Variants in CHRM2 observed in about 807,000 individuals in gnomAD.
The protein encoded by CHRM2 is muscarinic acetylcholine receptor M2.
Under a neutral mutation model 25.0 loss-of-function variants are expected in CHRM2, and 8 were observed. The ratio of observed to expected loss-of-function variants is 0.32; its 90% confidence interval spans 0.19 to 0.58. The LOEUF is 0.58. CHRM2 is among the 20% of genes least tolerant of loss of function. The pLI is 0.88. For missense variants in CHRM2, 440 were observed against 567.1 expected (o/e 0.78, Z 2.28); for synonymous variants, 202 against 205.7 (o/e 0.98, Z 0.15).
chr7:136,927,778 A>T (rs533733165), intron 2 of CHRM2, among the ~76,000 whole-genome samples: 7 of 152,192 alleles, frequency 4.6e-5, no homozygotes, highest in Non-Finnish European at 7.3e-5. Flanking sequence ...TATTTTCATC[A>T]CCAGGAAAAA....
chr7:136,972,288 G>A (rs1801829451), intron 2 of CHRM2, among the ~76,000 whole-genome samples: 1 of 152,054 alleles, frequency 6.6e-6, no homozygotes, highest in Non-Finnish European at 1.5e-5. Flanking sequence ...TCTACCTTGA[G>A]GGAAATTTCT....
At chr7:136,959,826 G>A (rs996254769) in intron 2 of CHRM2, among the ~76,000 whole-genome samples, 5 of 152,108 alleles carry the variant, frequency 3.3e-5, no homozygotes, top group Non-Finnish European at 5.9e-5. Context: ...CAGGAGAATC[G>A]CTTGAACCTG....
chr7:136,884,434 A>T (rs1377243490), intron 2 of CHRM2, among the ~76,000 whole-genome samples: 1 of 152,002 alleles, frequency 6.6e-6, no homozygotes, highest in East Asian at 1.9e-4. Context: ...TAAAGGCTTG[A>T]TAACCATAAA....
At chr7:136,932,423 G>A (rs1051231002) in intron 2 of CHRM2, among the ~76,000 whole-genome samples, 1 of 152,158 alleles carries the variant, frequency 6.6e-6, no homozygotes, top group Non-Finnish European at 1.5e-5. Flanking sequence ...CAAAACAGAA[G>A]TGGAGCGTAC....
intron 2 of CHRM2, among the ~76,000 whole-genome samples, chr7:136,873,959 C>T (rs1584679390): frequency 6.6e-6 from 1 of 152,160 alleles, no homozygotes; most frequent in African/African-American, 2.4e-5. Context: ...AATACTAAGA[C>T]ATTATTAAAC....
At chr7:136,932,133 G>T (rs965032339) in intron 2 of CHRM2, among the ~76,000 whole-genome samples, 1 of 152,120 alleles carries the variant, frequency 6.6e-6, no homozygotes, top group African/African-American at 2.4e-5. Context: ...TTACATTATG[G>T]ATATTACAGA....
chr7:136,930,865 C>G (rs1198957443), intron 2 of CHRM2, among the ~76,000 whole-genome samples: 1 of 137,724 alleles, frequency 7.3e-6, no homozygotes, highest in African/African-American at 2.7e-5. Context: ...CCACTGCACT[C>G]CAGCCTGGGC....
intron 2 of CHRM2, among the ~76,000 whole-genome samples, chr7:136,875,391 A>C: frequency 6.6e-6 from 1 of 152,046 alleles, no homozygotes; most frequent in East Asian, 1.9e-4. Flanking sequence ...TGCTATAAAC[A>C]TATCTTCTTT....
At chr7:136,897,165 T>A (rs1457460992) in intron 2 of CHRM2, among the ~76,000 whole-genome samples, 1 of 150,426 alleles carries the variant, frequency 6.6e-6, no homozygotes, top group Admixed American at 6.6e-5. Flanking sequence ...AGAGAGAAGT[T>A]AGGTTTCCAG....
At chr7:136,968,743 T>TATATATAC (rs918186629) in intron 2 of CHRM2, among the ~76,000 whole-genome samples, 3 of 146,634 alleles carry the variant, frequency 2.0e-5, no homozygotes, top group African/African-American at 5.0e-5. Flanking sequence ...TATATATATA[T>TATATATAC]ACAGACAATA....
chr7:136,874,989 T>C (rs749789359), intron 2 of CHRM2, among the ~76,000 whole-genome samples: 5 of 151,474 alleles, frequency 3.3e-5, no homozygotes, highest in Non-Finnish European at 7.4e-5. Flanking sequence ...AATGGAAGTC[T>C]TCTATCTTTA....
intron 3 of CHRM2, among the ~76,000 whole-genome samples, chr7:136,998,324 C>A (rs1803744376): frequency 9.7e-6 from 1 of 102,598 alleles, no homozygotes; most frequent in Non-Finnish European, 2.2e-5. Context: ...CCACAGCTGA[C>A]ACAAAGTGAG....
At chr7:136,981,177 G>A (rs961969640) in intron 2 of CHRM2, among the ~76,000 whole-genome samples, 3 of 152,132 alleles carry the variant, frequency 2.0e-5, no homozygotes, top group Non-Finnish European at 4.4e-5. Context: ...TTGGGAGGTT[G>A]TATCTGTCCA....
At chr7:136,938,744 G>A (rs1335387867) in intron 2 of CHRM2, among the ~76,000 whole-genome samples, 1 of 151,946 alleles carries the variant, frequency 6.6e-6, no homozygotes, top group Non-Finnish European at 1.5e-5. Context: ...GAGCCTGGGA[G>A]GGAGGCCGCC....
chr7:136,917,430 C>T (rs966617247), intron 2 of CHRM2, among the ~76,000 whole-genome samples: 3 of 151,948 alleles, frequency 2.0e-5, no homozygotes, highest in Non-Finnish European at 2.9e-5. Flanking sequence ...ACTGCTTGAT[C>T]CACTGAAAGG....
intron 2 of CHRM2, among the ~76,000 whole-genome samples, chr7:136,878,194 C>T (rs1796122025): frequency 1.3e-5 from 2 of 151,940 alleles, no homozygotes; most frequent in Non-Finnish European, 2.9e-5. Flanking sequence ...CATTTGGTTT[C>T]ATTTTAGGGA....
At chr7:136,997,730 T>C (rs1354563241) in intron 3 of CHRM2, among the ~76,000 whole-genome samples, 1 of 152,188 alleles carries the variant, frequency 6.6e-6, no homozygotes, top group Admixed American at 6.5e-5. Context: ...CAGTGGAAAT[T>C]GTCAGAATAC....
At chr7:137,004,307 A>T (rs949073296) in intron 3 of CHRM2, among the ~76,000 whole-genome samples, 1 of 152,192 alleles carries the variant, frequency 6.6e-6, no homozygotes, top group African/African-American at 2.4e-5. Flanking sequence ...TTTCCAAGTC[A>T]AGATGGTTTA....
At chr7:137,003,151 T>C (rs964843920) in intron 3 of CHRM2, among the ~76,000 whole-genome samples, 2 of 152,126 alleles carry the variant, frequency 1.3e-5, no homozygotes, top group African/African-American at 4.8e-5. Flanking sequence ...GCATCCCCTA[T>C]ACAGCATGAA....
Sources: gnomAD v4.1 joint callset for allele counts (sites outside exome capture counted in the v4.1 genomes callset) on GRCh38, gnomAD v4.1.1 for gene constraint, MANE v1.5 for transcripts, NCBI Gene and HGNC (gene_info 2026-07-23, HGNC 2026-07-21) for gene names.